UGGT2: variants seen among roughly 807,000 people sequenced by gnomAD.
The protein encoded by UGGT2 is UDP-glucose:glycoprotein glucosyltransferase 2.
Under a neutral mutation model 192.1 loss-of-function variants are expected in UGGT2, and 180 were observed. The ratio of observed to expected loss-of-function variants is 0.94; its 90% CI spans 0.83 to 1.06. The LOEUF (loss-of-function observed/expected upper bound fraction) is 1.06, where lower values mean the gene tolerates loss of function less well. Ranked by LOEUF, UGGT2 falls within the 50% of genes least tolerant of loss-of-function variation. UGGT2 has a pLI of 0.00. For missense variants in UGGT2, 1,849 were observed against 1,795.7 expected (o/e 1.03, Z -0.54); for synonymous variants, 580 against 591.0 (o/e 0.98, Z 0.27).
intron 12 of UGGT2, among the ~76,000 whole-genome samples, chr13:95,957,487 T>G (rs2050245424): frequency 6.6e-6 from 1 of 152,154 alleles, no homozygotes; most frequent in African/African-American, 2.4e-5. Flanking sequence ...TATGAAGAGA[T>G]AGTCTGCTGA....
chr13:95,867,400 G>A lies in UGGT2; in HGVS notation c.3497C>T (p.Ala1166Val), dbSNP rs1487467755. The A allele has an allele frequency of 6.2e-7, 1 of 1,607,186 alleles. No homozygotes were observed. The highest frequency in any genetic ancestry group is 2.2e-5 in the East Asian group (1 of 44,478). The stretch of plus-strand genomic sequence containing the variant: ...TACAACAATGATATCTTCTAGGTCT[G>A]CTTGAGAGTCAGTTCCTTCATGCCT... Reference protein sequence around the residue: ...IVGHEGTDSQADLEDIIVVLN... With the variant: ...IVGHEGTDSQVDLEDIIVVLN... Residue 1166 changes from alanine to valine, a missense_variant, in exon 30 of 39, where the codon GCA (alanine) becomes GTA (valine). Transcript: ENST00000376747.
chr13:96,012,711 C>T (rs534687552), intron 5 of UGGT2, among the ~76,000 whole-genome samples: 1 of 150,906 alleles, frequency 6.6e-6, no homozygotes, highest in East Asian at 2.0e-4. Context: ...AAAGCATAGT[C>T]CTTCCTCTAA....
chr13:95,877,625 T>TC, intron 28 of UGGT2, 73 bp downstream of exon 28: 6 of 1,495,384 alleles, frequency 4.0e-6, no homozygotes, highest in Non-Finnish European at 4.5e-6. Context: ...AAAGATTATT[T>TC]CATTTTACTC....
chr13:95,974,452 A>G (rs978757501), intron 10 of UGGT2, among the ~76,000 whole-genome samples: 7 of 152,210 alleles, frequency 4.6e-5, no homozygotes, highest in Non-Finnish European at 8.8e-5. Context: ...GCAGATCCAT[A>G]TTAAATTGCT....
intron 33 of UGGT2, among the ~76,000 whole-genome samples, chr13:95,858,567 C>T (rs893121554): frequency 1.3e-5 from 2 of 152,136 alleles, no homozygotes; most frequent in Non-Finnish European, 2.9e-5. Flanking sequence ...TCCACTGTAA[C>T]GGGATTCTAC....
At chr13:96,038,244 C>T (rs1217637110) in intron 1 of UGGT2, among the ~76,000 whole-genome samples, 2 of 152,084 alleles carry the variant, frequency 1.3e-5, no homozygotes, top group East Asian at 1.9e-4. Flanking sequence ...TGCACTGTGC[C>T]TTGGCAAAAT....
At chr13:95,839,679 T>C (rs956230323) in intron 36 of UGGT2, among the ~76,000 whole-genome samples, 12 of 152,312 alleles carry the variant, frequency 7.9e-5, no homozygotes, top group African/African-American at 2.9e-4. Context: ...GGGTCATATG[T>C]TAACTCTGTT....
chr13:96,013,613 T>G, intron 4 of UGGT2, 132 bp from the exon 5 acceptor site: 1 of 629,178 alleles, frequency 1.6e-6, no homozygotes, highest in Non-Finnish European at 2.3e-6. Context: ...TTTCCTGTGA[T>G]GACTTTGTAC....
chr13:95,986,692 T>C (rs750948254), intron 8 of UGGT2, among the ~76,000 whole-genome samples: 69 of 152,168 alleles, frequency 4.5e-4, no homozygotes, highest in Non-Finnish European at 8.4e-4. Context: ...GAGAGATATA[T>C]GAAAAGAAAT....
intron 38 of UGGT2, among the ~76,000 whole-genome samples, chr13:95,817,270 G>A (rs1353289613): frequency 1.3e-5 from 2 of 152,084 alleles, no homozygotes; most frequent in African/African-American, 4.8e-5. Flanking sequence ...CAACTCAAAA[G>A]TTAGAAAAAT....
chr13:95,992,148 G>A (rs139945842), intron 7 of UGGT2, among the ~76,000 whole-genome samples: 67 of 152,222 alleles, frequency 4.4e-4, no homozygotes, highest in African/African-American at 1.5e-3. Context: ...GGGTGACAGA[G>A]CTAGAGCTAG....
At chr13:95,848,945 G>T (rs922220089) in intron 36 of UGGT2, among the ~76,000 whole-genome samples, 2 of 151,990 alleles carry the variant, frequency 1.3e-5, no homozygotes, top group Admixed American at 1.3e-4. Flanking sequence ...CAGTGTTCTT[G>T]AATTTCTTTC....
chr13:95,845,323 C>G (rs959406030), intron 36 of UGGT2, among the ~76,000 whole-genome samples: 1 of 141,616 alleles, frequency 7.1e-6, no homozygotes, highest in Admixed American at 7.2e-5. Flanking sequence ...AGGGCCCTGC[C>G]GCCTTCCGCA....
At chr13:95,879,703 C>CTTAGATTATAGGTGCTTAGA (rs1482056499) in intron 27 of UGGT2, among the ~76,000 whole-genome samples, 2 of 152,154 alleles carry the variant, frequency 1.3e-5, no homozygotes, top group African/African-American at 4.8e-5. Context: ...TCCCAAAGTG[C>CTTAGATTATAGGTGCTTAGA]TTAGATTATA....
chr13:96,023,738 T>C lies in UGGT2; in HGVS notation c.263A>G (p.Asn88Ser), dbSNP rs145527822. Residue 88 changes from asparagine (N) to serine (S), a missense_variant, in exon 3 of 39, where the codon AAC becomes AGC. Physicochemically the swap from Asn to Ser is conservative, Grantham distance 46 (BLOSUM62 1). Transcript: ENST00000376747. ...CTGTCCAGCTTTCTTCAGGATTAAG[T>C]TGTAATAAGAATAATCTGATTCTAT... ...KQTESDYSYY[N>S]LILKKAGQFL... 43 of 1,603,728 alleles carry C rather than the reference T, an allele frequency of 2.7e-5. No individual in the cohort carries two copies. The highest frequency in any genetic ancestry group is 2.9e-5 in the Non-Finnish European group (34 of 1,173,484).
At chr13:95,845,655 T>A (rs1350979381) in intron 36 of UGGT2, among the ~76,000 whole-genome samples, 1 of 152,004 alleles carries the variant, frequency 6.6e-6, no homozygotes, top group African/African-American at 2.4e-5. Flanking sequence ...GCCATCGTCA[T>A]CATGGCCCGT....
intron 36 of UGGT2, among the ~76,000 whole-genome samples, chr13:95,844,919 G>A (rs759151947): frequency 2.6e-5 from 4 of 152,182 alleles, no homozygotes; most frequent in Non-Finnish European, 5.9e-5. Context: ...GATGTTAGCT[G>A]TAGGTTTTTC....
chr13:95,992,647 T>C (rs184409391), intron 7 of UGGT2, among the ~76,000 whole-genome samples: 74 of 152,224 alleles, frequency 4.9e-4, no homozygotes, highest in Non-Finnish European at 9.6e-4. Context: ...CAAGAAAACA[T>C]ATAAGCAGCC....
intron 38 of UGGT2, among the ~76,000 whole-genome samples, chr13:95,814,182 G>A (rs992029826): frequency 3.3e-5 from 5 of 152,206 alleles, no homozygotes; most frequent in Non-Finnish European, 5.9e-5. Context: ...GCAGAGCTAT[G>A]AGAAGAGGGC....
Sources: gnomAD v4.1 joint callset for allele counts (sites outside exome capture counted in the v4.1 genomes callset) on GRCh38, gnomAD v4.1.1 for gene constraint, MANE v1.5 for transcripts, NCBI Gene and HGNC (gene_info 2026-07-23, HGNC 2026-07-21) for gene names.